Variants in TYW1B observed in about 807,000 individuals in gnomAD.
TYW1B encodes tRNA-yW synthesizing protein 1 homolog B.
In TYW1B, 73 loss-of-function variants were observed where a neutral mutation model predicts 86.9. The ratio of observed to expected loss-of-function variants is 0.84; its 90% CI spans 0.70 to 1.02. TYW1B has a LOEUF of 1.02. TYW1B is among the 50% of genes least tolerant of loss of function. The pLI is 0.00. For missense variants in TYW1B, 637 were observed against 827.4 expected (o/e 0.77, Z 2.82); for synonymous variants, 248 against 292.8 (o/e 0.85, Z 1.56).
intron 7 of TYW1B, among the ~76,000 whole-genome samples, chr7:72,767,348 T>C (rs1432386490): frequency 6.6e-6 from 1 of 152,200 alleles, no homozygotes; most frequent in African/African-American, 2.4e-5. Flanking sequence ...GGCTCACATC[T>C]GTAATACCAG....
intron 11 of TYW1B, among the ~76,000 whole-genome samples, chr7:72,635,357 A>G (rs1160529936): frequency 2.0e-5 from 3 of 152,130 alleles, no homozygotes; most frequent in African/African-American, 7.2e-5. Context: ...TCCAATAGAG[A>G]CGGTTCTCAA....
At chr7:72,764,098 GT>G (rs35036767) in intron 7 of TYW1B, among the ~76,000 whole-genome samples, 1 of 16,836 alleles carries the variant, frequency 5.9e-5, no homozygotes, top group Non-Finnish European at 2.6e-4. Context: ...TATGATCCTG[GT>G]TGTTATCTTA....
At chr7:72,737,912 C>A (rs538325915) in intron 8 of TYW1B, among the ~76,000 whole-genome samples, 1 of 143,302 alleles carries the variant, frequency 7.0e-6, no homozygotes, top group African/African-American at 2.6e-5. Flanking sequence ...GTAGCTGGGA[C>A]TACAGGTGCC....
chr7:72,748,692 T>A (rs1225473496), intron 7 of TYW1B, among the ~76,000 whole-genome samples: 18 of 151,790 alleles, frequency 1.2e-4, no homozygotes, highest in Non-Finnish European at 2.1e-4. Context: ...TTGATATGAC[T>A]GACTGATTTT....
At chr7:72,786,772 G>A (rs1353421135) in intron 6 of TYW1B, among the ~76,000 whole-genome samples, 53 of 151,816 alleles carry the variant, frequency 3.5e-4, no homozygotes, top group African/African-American at 1.1e-3. Context: ...ACAGGGTTTC[G>A]TCATATTGCC....
rs1334610747 is a variant in TYW1B at position 72,682,933 on chromosome 7, G to C, written c.1506+11754C>G. On this transcript the variant is annotated intron_variant, in intron 11 of 13. Coordinates refer to ENST00000620995, the MANE Select transcript of TYW1B (RefSeq NM_001145440.3). The stretch of plus-strand genomic sequence containing the variant: ...ACACTTTTGTGAGTTTTACCTACTG[G>C]AGCTCTGCCAGATTCTCACAGTGAA... Among the ~76,000 whole-genome samples, 4 of 152,176 alleles carry C rather than the reference G, an allele frequency of 2.6e-5. No individual in the cohort carries two copies. The South Asian group carries it at 8.3e-4, about 31-fold the overall frequency.
chr7:72,600,493 TAGTC>T (rs1554433521), intron 13 of TYW1B, among the ~76,000 whole-genome samples: 1 of 152,286 alleles, frequency 6.6e-6, no homozygotes, highest in Non-Finnish European at 1.5e-5. Context: ...GAAAAAAAAT[TAGTC>T]AGTTGGACTT....
At chr7:72,580,234 C>T (rs1439614994) in intron 13 of TYW1B, among the ~76,000 whole-genome samples, 1 of 152,144 alleles carries the variant, frequency 6.6e-6, no homozygotes, top group African/African-American at 2.4e-5. Context: ...TGAATAATCA[C>T]AGCTCAGAAA....
intron 6 of TYW1B, among the ~76,000 whole-genome samples, chr7:72,798,690 T>A (rs1788352528): frequency 6.6e-6 from 1 of 152,138 alleles, no homozygotes; most frequent in African/African-American, 2.4e-5. Flanking sequence ...GTAAAAACTG[T>A]CAAAAGCCCT....
intron 11 of TYW1B, among the ~76,000 whole-genome samples, chr7:72,668,558 C>T (rs1554445727): frequency 6.6e-5 from 10 of 152,106 alleles, no homozygotes. Context: ...CATTCCACTC[C>T]CCATCCGACC....
chr7:72,690,962 G>A (rs1470503844), intron 11 of TYW1B, among the ~76,000 whole-genome samples: 7 of 152,086 alleles, frequency 4.6e-5, no homozygotes, highest in Non-Finnish European at 1.0e-4. Flanking sequence ...CATATTGGCC[G>A]GGCTGGTCTT....
intron 3 of TYW1B, among the ~76,000 whole-genome samples, chr7:72,812,091 C>G (rs1277057583): frequency 1.3e-5 from 2 of 151,296 alleles, no homozygotes. Context: ...GGCTGGGTAT[C>G]CATTATCCAG....
At chr7:72,661,451 A>C (rs1813329749) in intron 11 of TYW1B, among the ~76,000 whole-genome samples, 1 of 150,998 alleles carries the variant, frequency 6.6e-6, no homozygotes, top group Admixed American at 6.7e-5. Flanking sequence ...GCACAAACAC[A>C]GGACAAAACA....
At chr7:72,702,992 A>C (rs1478555612) in intron 10 of TYW1B, among the ~76,000 whole-genome samples, 384 of 8,186 alleles carry the variant, frequency 0.047, 2 homozygotes, top group African/African-American at 0.1. Context: ...CTATCTATAT[A>C]TATATATATA....
At chr7:72,648,595 GA>G (rs1201094939) in intron 11 of TYW1B, among the ~76,000 whole-genome samples, 2 of 151,222 alleles carry the variant, frequency 1.3e-5, no homozygotes, top group African/African-American at 2.4e-5. Context: ...AAATTTGGTA[GA>G]GAGTAGAAAA....
At chr7:72,802,889 GA>G (rs1305320241) in intron 5 of TYW1B, among the ~76,000 whole-genome samples, 1 of 152,094 alleles carries the variant, frequency 6.6e-6, no homozygotes, top group Admixed American at 6.6e-5. Flanking sequence ...CCAAAGTGCT[GA>G]GATTACAGGC....
In TYW1B at chr7:72,590,627, C is replaced by A. The variant is rs531060695; in HGVS notation, c.1786-14908G>T. Among the ~76,000 whole-genome samples, 31 of 152,330 alleles carry A rather than the reference C, an allele frequency of 2.0e-4. 1 individual carries two copies. The South Asian group carries it at 6.4e-3, about 32-fold the overall frequency. On this transcript the variant is annotated intron_variant, in intron 13 of 13. Coordinates refer to ENST00000620995, the MANE Select transcript of TYW1B (RefSeq NM_001145440.3). ...GAGAACTGAAAAGACTAAGTTCATA[C>A]CTCGGGCTGATCCTTGGCACAGAGA...
chr7:72,625,039 A>G (rs1298893741), intron 12 of TYW1B, among the ~76,000 whole-genome samples: 1 of 149,786 alleles, frequency 6.7e-6, no homozygotes, highest in African/African-American at 2.5e-5. Context: ...AGCCTGGGAG[A>G]CAGAGTAAGA....
At chr7:72,676,928 A>C (rs1357821281) in intron 11 of TYW1B, among the ~76,000 whole-genome samples, 1 of 152,150 alleles carries the variant, frequency 6.6e-6, no homozygotes, top group Non-Finnish European at 1.5e-5. Context: ...ACTGTACTCC[A>C]GCCTGGGTGA....
Sources: allele counts gnomAD v4.1 joint callset (sites outside exome capture counted in the v4.1 genomes callset), GRCh38; gene constraint gnomAD v4.1.1; transcripts MANE v1.5; gene names NCBI Gene and HGNC (gene_info 2026-07-23, HGNC 2026-07-21).